The following AFG1L variants were observed in gnomAD, a reference collection of about 807,000 sequenced individuals.
AFG1L encodes the protein AFG1 like ATPase.
AFG1L carries 53 observed loss-of-function variants against 62.2 expected under a neutral mutation model. The observed-to-expected ratio is 0.85, with a 90% CI of 0.68 to 1.07. The LOEUF is 1.07. AFG1L is among the 50% of genes least tolerant of loss of function. The pLI is 0.00. For synonymous variants in AFG1L, 228 were observed against 210.3 expected, an observed-to-expected ratio of 1.08 and a Z score of -0.73; for missense variants, 555 against 590.5, an observed-to-expected ratio of 0.94 and a Z score of 0.62.
intron 3 of AFG1L, among the ~76,000 whole-genome samples, chr6:108,349,033 A>T (rs533657324): frequency 1.3e-5 from 2 of 152,362 alleles, no homozygotes; most frequent in East Asian, 3.9e-4. Context: ...AATAGAAAAG[A>T]TGTGATAGTA....
intron 7 of AFG1L, among the ~76,000 whole-genome samples, chr6:108,402,843 T>G (rs1781691232): frequency 6.6e-6 from 1 of 152,202 alleles, no homozygotes. Context: ...AATATTCTAA[T>G]ATATTTAAAT....
intron 6 of AFG1L, among the ~76,000 whole-genome samples, chr6:108,392,904 A>G (rs1368053902): frequency 2.0e-5 from 3 of 152,098 alleles, no homozygotes; most frequent in Non-Finnish European, 4.4e-5. Context: ...TGACACTTGG[A>G]TTTTTAAGGA....
At chr6:108,313,963 T>C (rs1256020589) in intron 1 of AFG1L, among the ~76,000 whole-genome samples, 6 of 152,158 alleles carry the variant, frequency 3.9e-5, no homozygotes, top group African/African-American at 1.4e-4. Flanking sequence ...GCCTGTAATC[T>C]GAGCACTTTG....
In AFG1L at chr6:108,433,321, C is replaced by T. The variant is rs183342655; in HGVS notation, c.808-13893C>T. Among the ~76,000 whole-genome samples, 4 of 152,156 alleles carry T rather than the reference C, an allele frequency of 2.6e-5. No individual in the cohort carries two copies. In the East Asian group the frequency reaches 7.7e-4, roughly 29 times the overall value. The stretch of plus-strand genomic sequence containing the variant: ...GAGAGACAGAGTCTTGCTCAGTCGC[C>T]CAGGCTGGAGTGCAGTGGCGCGACT... On this transcript the variant is annotated intron_variant, in intron 7 of 12. Coordinates refer to ENST00000368977, the MANE Select transcript of AFG1L (RefSeq NM_145315.5).
At chr6:108,506,837 T>G (rs72940610) in intron 10 of AFG1L, among the ~76,000 whole-genome samples, 12,941 of 152,328 alleles carry the variant, frequency 0.085, 659 homozygotes, top group South Asian at 0.24. Flanking sequence ...TCTGCAGATG[T>G]GGAACCCACA....
chr6:108,386,686 T>C (rs566243922), intron 6 of AFG1L, among the ~76,000 whole-genome samples: 71 of 152,202 alleles, frequency 4.7e-4, no homozygotes, highest in Non-Finnish European at 8.5e-4. Context: ...TGTAATTGAT[T>C]GTTTTACATA....
intron 10 of AFG1L, among the ~76,000 whole-genome samples, chr6:108,480,463 T>G (rs1363189480): frequency 6.6e-6 from 1 of 152,204 alleles, no homozygotes; most frequent in East Asian, 1.9e-4. Flanking sequence ...GATTCTGTGC[T>G]TTTAATCACT....
chr6:108,332,135 A>T (rs959815914), intron 2 of AFG1L, among the ~76,000 whole-genome samples: 3 of 152,160 alleles, frequency 2.0e-5, no homozygotes, highest in Non-Finnish European at 2.9e-5. Flanking sequence ...ATAAATCTTT[A>T]TTTACAAAAA....
At chr6:108,417,184 C>T (rs1033387519) in intron 7 of AFG1L, among the ~76,000 whole-genome samples, 16 of 150,564 alleles carry the variant, frequency 1.1e-4, no homozygotes, top group Middle Eastern at 3.4e-3. Context: ...CAGTAAGCCA[C>T]GATTGCACCA....
chr6:108,472,916 C>G (rs1772961449), intron 8 of AFG1L, among the ~76,000 whole-genome samples: 1 of 151,832 alleles, frequency 6.6e-6, no homozygotes, highest in South Asian at 2.1e-4. Context: ...GATTCTCATG[C>G]CTCAGCCTCC....
intron 10 of AFG1L, among the ~76,000 whole-genome samples, chr6:108,489,993 T>C (rs1773712538): frequency 6.6e-6 from 1 of 152,214 alleles, no homozygotes; most frequent in African/African-American, 2.4e-5. Context: ...AGAGGACTAG[T>C]ATAGTTTAAT....
chr6:108,502,509 T>G (rs1327575237), intron 10 of AFG1L, among the ~76,000 whole-genome samples: 2 of 151,750 alleles, frequency 1.3e-5, no homozygotes, highest in African/African-American at 2.4e-5. Flanking sequence ...CTGGCCTGGT[T>G]TTGTATTTTT....
At chr6:108,298,328 T>TGATCTCTGCTCATTGC (rs1776849144) in intron 1 of AFG1L, among the ~76,000 whole-genome samples, 1 of 149,318 alleles carries the variant, frequency 6.7e-6, no homozygotes, top group African/African-American at 2.5e-5. Flanking sequence ...TGCAATGGTG[T>TGATCTCTGCTCATTGC]GATCTCTGCT....
intron 10 of AFG1L, among the ~76,000 whole-genome samples, chr6:108,502,264 G>A (rs1327339684): frequency 6.6e-6 from 1 of 151,830 alleles, no homozygotes; most frequent in African/African-American, 2.4e-5. Flanking sequence ...GGAGTGCAAT[G>A]GCGTGATCTC....
At chr6:108,468,287 A>G (rs1463299603) in intron 8 of AFG1L, among the ~76,000 whole-genome samples, 1 of 152,186 alleles carries the variant, frequency 6.6e-6, no homozygotes, top group Non-Finnish European at 1.5e-5. Flanking sequence ...GAAAACTCAC[A>G]TGTCCTAAAA....
chr6:108,301,838 C>T (rs1431285990), intron 1 of AFG1L, among the ~76,000 whole-genome samples: 1 of 152,150 alleles, frequency 6.6e-6, no homozygotes, highest in Middle Eastern at 3.2e-3. Flanking sequence ...CATTACCCAT[C>T]CCTCTTGTTT....
At chr6:108,366,208 A>G in intron 5 of AFG1L, 25 bp from the exon 6 acceptor site, 1 of 1,451,222 alleles carries the variant, frequency 6.9e-7, no homozygotes, top group Non-Finnish European at 9.6e-7. Context: ...AAATTAAAAT[A>G]AAACAAATGT....
chr6:108,496,282 A>G (rs185582304), intron 10 of AFG1L, among the ~76,000 whole-genome samples: 67 of 152,358 alleles, frequency 4.4e-4, no homozygotes, highest in African/African-American at 1.6e-3. Context: ...AAGTTCTTGT[A>G]GGATTTAATA....
chr6:108,363,307 T>C (rs1026768237), intron 5 of AFG1L, among the ~76,000 whole-genome samples: 1 of 152,106 alleles, frequency 6.6e-6, no homozygotes, highest in African/African-American at 2.4e-5. Context: ...GCTGTACTGA[T>C]TATTTCGTCA....
Sources: allele counts gnomAD v4.1 joint callset (sites outside exome capture counted in the v4.1 genomes callset), GRCh38; gene constraint gnomAD v4.1.1; transcripts MANE v1.5; gene names NCBI Gene and HGNC (gene_info 2026-07-23, HGNC 2026-07-21).